Variants in NADK2 observed in about 807,000 individuals in gnomAD.
NADK2 encodes the protein NAD kinase 2, mitochondrial.
In NADK2, 35 loss-of-function variants were observed where a neutral mutation model predicts 62.1. That is an observed-to-expected ratio of 0.56 (90% CI 0.43 to 0.75). The LOEUF is 0.75. NADK2 is among the 30% of genes least tolerant of loss of function. NADK2 has a pLI of 0.00. For missense variants in NADK2, 439 were observed against 561.3 expected, an observed-to-expected ratio of 0.78 and a Z score of 2.20; for synonymous variants, 205 against 207.9, an observed-to-expected ratio of 0.99 and a Z score of 0.12.
chr5:36,199,770 TTCTTTC>T (rs1399446957), intron 10 of NADK2, among the ~76,000 whole-genome samples: 13 of 152,022 alleles, frequency 8.6e-5, no homozygotes, highest in Admixed American at 7.9e-4. Context: ...TTCATAAGTA[TTCTTTC>T]TCTAACAGCA....
chr5:36,219,839 TTAAA>T (rs1390864206), intron 4 of NADK2, among the ~76,000 whole-genome samples, 160 bp from the exon 5 acceptor site: 4 of 152,192 alleles, frequency 2.6e-5, no homozygotes, highest in Non-Finnish European at 4.4e-5. Flanking sequence ...ATTGTGTTCT[TTAAA>T]TAAAAACAAA....
At chr5:36,222,425 A>C (rs1333904415) in intron 4 of NADK2, among the ~76,000 whole-genome samples, 2 of 152,238 alleles carry the variant, frequency 1.3e-5, no homozygotes, top group Non-Finnish European at 2.9e-5. Flanking sequence ...AGTTAAGAAC[A>C]GCCTTTTAGA....
Position 36,237,541 on chromosome 5 carries a change from A to G in NADK2, c.300+3958T>C, listed in dbSNP as rs1373012612. ...TAACAGAAAGACTTCTTTGTATAAT[A>G]TTTTGTATCTTTTATATTTTGAATC... On this transcript the variant is annotated intron_variant, in intron 1 of 11. Transcript: ENST00000381937. 2.6e-5 allele frequency among the ~76,000 whole-genome samples: 4 copies of G among 152,318 alleles called. No homozygotes were observed. The East Asian group carries it at 5.8e-4, about 22-fold the overall frequency.
chr5:36,216,547 A>G lies in NADK2; in HGVS notation c.781+1201T>C, dbSNP rs139872312. Among the ~76,000 whole-genome samples the G allele has an allele frequency of 7.5e-3, 1,142 of 152,148 alleles. 16 individuals carry two copies. Among genetic ancestry groups the G allele is most frequent in the African/African-American group, 0.025 (1,056 of 41,522 alleles). On this transcript the variant is annotated intron_variant, in intron 6 of 11. Transcript: ENST00000381937. ...CTGTTTTGAGAAATCATCATGTATA[A>G]TCTTTTGATTTTGAACATTTTTCTG...
At chr5:36,206,852 T>TA (rs1746660038) in intron 8 of NADK2, among the ~76,000 whole-genome samples, 1 of 152,172 alleles carries the variant, frequency 6.6e-6, no homozygotes, top group Non-Finnish European at 1.5e-5. Flanking sequence ...CTACTTTTTT[T>TA]ATTGTACTTT....
In NADK2 at chr5:36,219,629, T is replaced by C. The variant is rs747576622; in HGVS notation, c.611A>G (p.Glu204Gly). The C allele has an allele frequency of 1.3e-5, 21 of 1,613,938 alleles. No homozygotes were observed. The Admixed American group carries it at 2.8e-4, about 22-fold the overall frequency. The change falls in exon 5 of 12, where the codon GAA (glutamate) becomes GGA (glycine). Residue 204 changes from glutamate (E) to glycine (G), a missense_variant. Physicochemically the swap from Glu to Gly is moderately conservative, Grantham distance 98. Coordinates refer to ENST00000381937, the MANE Select transcript of NADK2 (RefSeq NM_001085411.3). ...ACCACGATAGAACTTCTGTAAGGCT[T>C]CTGGAAAGGAATGTGTATATCGAAC... ...LPVRYTHSFPEALQKFYRGEF... is the reference protein window; with the variant it reads ...LPVRYTHSFPGALQKFYRGEF...
At chr5:36,204,440 A>G (rs551160708) in intron 8 of NADK2, among the ~76,000 whole-genome samples, 172 of 152,188 alleles carry the variant, frequency 1.1e-3, no homozygotes, top group African/African-American at 3.9e-3. Flanking sequence ...TACAATCTCT[A>G]TTTCTAACAG....
chr5:36,213,590 C>T (rs1364921015), intron 6 of NADK2, among the ~76,000 whole-genome samples: 2 of 71,360 alleles, frequency 2.8e-5, no homozygotes, highest in Non-Finnish European at 7.2e-5. Flanking sequence ...CAGAGAAAGA[C>T]CTTGATACAA....
In NADK2 at chr5:36,195,174, ATCT is replaced by A. The variant is rs761701214; in HGVS notation, c.1296_1298del (p.Glu432del). The A allele has an allele frequency of 1.2e-5, 20 of 1,613,040 alleles. No homozygotes were observed. Among genetic ancestry groups the A allele is most frequent in the Non-Finnish European group, 1.4e-5 (16 of 1,179,638 alleles). On this transcript the variant is annotated inframe_deletion, in exon 12 of 12. Coordinates refer to ENST00000381937, the MANE Select transcript of NADK2 (RefSeq NM_001085411.3). ...GTTCAAGAAGCACAGTTCGAAGCTCATCTTCTTTATTGATCATCATCGAAGCAA... is the reference window on the plus strand; with the variant it reads ...GTTCAAGAAGCACAGTTCGAAGCTCATCTTTATTGATCATCATCGAAGCAA...
Position 36,194,618 on chromosome 5 carries a change from A to G in NADK2, c.*526T>C, listed in dbSNP as rs1746160635. 6.6e-6 allele frequency: 1 copy of G among 152,232 alleles called. No homozygotes were observed. Among genetic ancestry groups the G allele is most frequent in the Non-Finnish European group, 1.5e-5 (1 of 68,032 alleles). The allele number at this position is 152,232 out of a possible 1,614,324, so 9.4% of individuals were successfully genotyped here. On this transcript the variant is annotated 3_prime_UTR_variant, in exon 12 of 12. Coordinates refer to ENST00000381937, the MANE Select transcript of NADK2 (RefSeq NM_001085411.3). ...CATCATCGTGTTCCGAAATTAGAAA[A>G]TTATTAGCACATATACAAACATATT...
At chr5:36,198,267 T>G (rs369676467) in intron 10 of NADK2, among the ~76,000 whole-genome samples, 1 of 152,032 alleles carries the variant, frequency 6.6e-6, no homozygotes, top group Non-Finnish European at 1.5e-5. Context: ...CTTGAAAGTT[T>G]AGTTGAGTAC....
Position 36,219,677 on chromosome 5 carries a change from G to A in NADK2, c.563C>T (p.Ser188Phe). ...VIGVNTDPER[S>F]EGHLCLPVRY... ...AACGGGCAGGCATAAATGACCCTCA[G>A]ACCTATATTTTAACAGGAATTTTTT... is the stretch of plus-strand genomic sequence containing the variant. The change falls in exon 5 of 12, where the codon TCT becomes TTT. Residue 188 changes from serine (S) to phenylalanine (F), a missense_variant and splice_region_variant. Ser to Phe is a radical substitution (Grantham distance 155, BLOSUM62 -2). Transcript: ENST00000381937. 6.2e-7 allele frequency: 1 copy of A among 1,611,984 alleles called. No individual in the cohort carries two copies. The highest frequency in any genetic ancestry group is 8.5e-7 in the Non-Finnish European group (1 of 1,179,228).
rs762568759 is a variant in NADK2, at chr5:36,193,637, A to G, written c.*1507T>C. On this transcript the variant is annotated 3_prime_UTR_variant, in exon 12 of 12. Transcript: ENST00000381937. ...TTAATGTATTTCTATCTGATATGTC[A>G]TAAATTCTTTGCTATGAATGTCTAC... The G allele has an allele frequency of 1.3e-5, 2 of 152,034 alleles. No homozygotes were observed. The highest frequency in any genetic ancestry group is 2.9e-5 in the Non-Finnish European group (2 of 67,990). 9.4% of individuals were successfully genotyped at this position (152,034 alleles called of 1,614,324 possible).
At chr5:36,222,290 C>CT (rs1266855061) in intron 4 of NADK2, among the ~76,000 whole-genome samples, 2 of 152,126 alleles carry the variant, frequency 1.3e-5, no homozygotes, top group East Asian at 3.9e-4. Context: ...CTGGAGAACT[C>CT]TTTCACCTAC....
intron 11 of NADK2, 34 bp from the exon 12 acceptor site, chr5:36,195,316 T>A: frequency 6.4e-7 from 1 of 1,561,794 alleles, no homozygotes; most frequent in Non-Finnish European, 8.6e-7. Context: ...TAAATAGTAA[T>A]AGTTTTCTTA....
chr5:36,207,303 T>C lies in NADK2; in HGVS notation c.861-38A>G, dbSNP rs369480133. On this transcript the variant is annotated intron_variant, in intron 7 of 11. Transcript: ENST00000381937. ...AATATAAAACTGTTTGCTGAGCTTA[T>C]GGTTCAAGGTAAATAAGAGAGTCTT... 87 of 1,474,306 alleles carry C rather than the reference T, an allele frequency of 5.9e-5. No individual in the cohort carries two copies. The African/African-American group carries it at 8.3e-4, about 14-fold the overall frequency. The allele number at this position is 1,474,306 out of a possible 1,614,324, so 91.3% of individuals were successfully genotyped here. A position where few individuals can be genotyped will look rare whatever the true frequency, so the allele number is the denominator to read the frequency against.
rs1251462828 is a variant in NADK2 at position 36,194,120 on chromosome 5, A to C, written c.*1024T>G. 1 of 152,110 alleles carries C rather than the reference A, an allele frequency of 6.6e-6. No individual in the cohort carries two copies. Among genetic ancestry groups the C allele is most frequent in the African/African-American group, 2.4e-5 (1 of 41,416 alleles). 9.4% of individuals were successfully genotyped at this position (152,110 alleles called of 1,614,324 possible). ...TTCCTCCAAAAATAAAGGAATTCTCATGGGGAAAAAAAAAAAGTCCTAACA... is the reference window on the plus strand; with the variant it reads ...TTCCTCCAAAAATAAAGGAATTCTCCTGGGGAAAAAAAAAAAGTCCTAACA... On this transcript the variant is annotated 3_prime_UTR_variant, in exon 12 of 12. Coordinates refer to ENST00000381937, the MANE Select transcript of NADK2 (RefSeq NM_001085411.3).
chr5:36,227,452 C>A (rs1311328941), intron 2 of NADK2, 25 bp downstream of exon 2: 5 of 1,263,284 alleles, frequency 4.0e-6, no homozygotes, highest in Non-Finnish European at 5.2e-6. Context: ...AAAATCCAAC[C>A]CAAGACCCAA....
At chr5:36,225,726 C>G (rs1216703451) in intron 3 of NADK2, 103 bp from the exon 4 acceptor site, 3 of 878,356 alleles carry the variant, frequency 3.4e-6, no homozygotes, top group East Asian at 5.1e-5. Context: ...ATACCCCACC[C>G]TGCTAACCGC....
Sources: allele counts gnomAD v4.1 joint callset (sites outside exome capture counted in the v4.1 genomes callset), GRCh38; gene constraint gnomAD v4.1.1; transcripts MANE v1.5; gene names NCBI Gene and HGNC (gene_info 2026-07-23, HGNC 2026-07-21).